The following MAGI1 variants were observed in gnomAD, a reference collection of about 807,000 sequenced individuals.
The protein encoded by MAGI1 is membrane associated guanylate kinase, WW and PDZ domain containing 1.
A neutral mutation model predicts 139.9 loss-of-function variants in MAGI1; 58 were observed. The observed-to-expected ratio is 0.41, with a 90% CI of 0.34 to 0.52. MAGI1 has a LOEUF of 0.52. MAGI1 is among the 20% of genes least tolerant of loss of function. The pLI is 0.12. For missense variants in MAGI1, 1,874 were observed against 1,901.6 expected (o/e 0.99, Z 0.27); for synonymous variants, 812 against 737.9 (o/e 1.10, Z -1.63).
At chr3:65,935,064 A>G (rs2062981832) in intron 1 of MAGI1, among the ~76,000 whole-genome samples, 1 of 152,202 alleles carries the variant, frequency 6.6e-6, no homozygotes, top group South Asian at 2.1e-4. Flanking sequence ...CTATTCGATC[A>G]AAGAAGAGAG....
At chr3:65,636,037 T>C (rs2084596876) in intron 1 of MAGI1, among the ~76,000 whole-genome samples, 1 of 152,200 alleles carries the variant, frequency 6.6e-6, no homozygotes, top group Admixed American at 6.5e-5. Flanking sequence ...GTCTATTCTC[T>C]ACACAGCGCC....
chr3:65,596,518 C>T (rs1281125600), intron 2 of MAGI1, among the ~76,000 whole-genome samples: 1 of 152,186 alleles, frequency 6.6e-6, no homozygotes, highest in Non-Finnish European at 1.5e-5. Context: ...CCCAACATAC[C>T]TAATCCTTAA....
chr3:65,370,782 A>G (rs368717685), intron 18 of MAGI1, among the ~76,000 whole-genome samples: 2 of 152,238 alleles, frequency 1.3e-5, no homozygotes, highest in East Asian at 3.9e-4. Flanking sequence ...CGTTGCCCCA[A>G]ATAGTTGGAC....
At chr3:65,968,853 G>T (rs79406163) in intron 1 of MAGI1, among the ~76,000 whole-genome samples, 1,876 of 152,174 alleles carry the variant, frequency 0.012, 16 homozygotes, top group Middle Eastern at 0.027. Flanking sequence ...GTAATGGTTT[G>T]TTTGAAATTT....
intron 2 of MAGI1, among the ~76,000 whole-genome samples, chr3:65,502,390 C>T (rs1576051794): frequency 1.0e-5 from 1 of 98,486 alleles, no homozygotes. Context: ...AGACTTTCTG[C>T]TTAGCATAAG....
chr3:65,948,575 A>G (rs1435258948), intron 1 of MAGI1, among the ~76,000 whole-genome samples: 1 of 152,194 alleles, frequency 6.6e-6, no homozygotes, highest in Non-Finnish European at 1.5e-5. Flanking sequence ...AAAATTTTGG[A>G]AAGTTCAGTA....
At position 65,413,152 on chromosome 3, in the gene MAGI1, T is replaced by C. The variant is rs539040985; in HGVS notation, c.2168-11682A>G. ...CTCTTGAGCAGTTTCAACAGACTGATTGATGTGATGGTCACTTTTTGTCAC... is the reference window on the plus strand; with the variant it reads ...CTCTTGAGCAGTTTCAACAGACTGACTGATGTGATGGTCACTTTTTGTCAC... On this transcript the variant is annotated intron_variant, in intron 12 of 22. Transcript: ENST00000402939. Among the ~76,000 whole-genome samples, 5 of 152,296 alleles carry C rather than the reference T, an allele frequency of 3.3e-5. No individual in the cohort carries two copies. The East Asian group carries it at 7.7e-4, about 24-fold the overall frequency.
intron 1 of MAGI1, among the ~76,000 whole-genome samples, chr3:65,689,937 C>T (rs1410717380): frequency 1.3e-5 from 2 of 152,122 alleles, no homozygotes; most frequent in African/African-American, 4.8e-5. Context: ...TGCTTCTGGC[C>T]GCACCACCTC....
chr3:65,401,339 A>G, intron 13 of MAGI1, 100 bp downstream of exon 13: 10 of 1,434,024 alleles, frequency 7.0e-6, no homozygotes, highest in Admixed American at 2.0e-5. Context: ...ACTGTAAAAC[A>G]CATTTAGTGA....
chr3:65,644,433 A>C (rs79411887), intron 1 of MAGI1, among the ~76,000 whole-genome samples: 6 of 150,958 alleles, frequency 4.0e-5, no homozygotes, highest in African/African-American at 7.3e-5. Context: ...AAAAAAAAAA[A>C]CCCAGAAGAC....
chr3:65,454,421 T>G (rs561091503), intron 5 of MAGI1, among the ~76,000 whole-genome samples: 1 of 151,334 alleles, frequency 6.6e-6, no homozygotes, highest in Non-Finnish European at 1.5e-5. Flanking sequence ...TGGGAGATAT[T>G]CCTAATGCTA....
At chr3:65,823,612 A>G (rs936668524) in intron 1 of MAGI1, among the ~76,000 whole-genome samples, 1 of 152,278 alleles carries the variant, frequency 6.6e-6, no homozygotes, top group African/African-American at 2.4e-5. Flanking sequence ...TCTCACTGTC[A>G]TTACTGTTAC....
intron 5 of MAGI1, among the ~76,000 whole-genome samples, chr3:65,459,081 T>C (rs1324550768): frequency 6.6e-6 from 1 of 152,214 alleles, no homozygotes; most frequent in Non-Finnish European, 1.5e-5. Context: ...ATGTGTGTGC[T>C]TGGCACCTTT....
chr3:65,617,646 G>A (rs2083446004), intron 2 of MAGI1, among the ~76,000 whole-genome samples: 2 of 152,234 alleles, frequency 1.3e-5, no homozygotes, highest in African/African-American at 4.8e-5. Context: ...AGTAATTAGT[G>A]AAGTCCTTAT....
At chr3:65,721,003 A>G (rs1472583407) in intron 1 of MAGI1, among the ~76,000 whole-genome samples, 1 of 151,966 alleles carries the variant, frequency 6.6e-6, no homozygotes, top group Non-Finnish European at 1.5e-5. Context: ...CAGTCTCCCA[A>G]AGGGTTGGGA....
At chr3:65,898,133 C>T (rs571746910) in intron 1 of MAGI1, among the ~76,000 whole-genome samples, 4 of 152,138 alleles carry the variant, frequency 2.6e-5, no homozygotes, top group East Asian at 1.9e-4. Context: ...GTTTGATATA[C>T]GATTTGGTTT....
chr3:65,471,552 A>G (rs779697516), intron 4 of MAGI1, among the ~76,000 whole-genome samples: 1 of 151,936 alleles, frequency 6.6e-6, no homozygotes, highest in Non-Finnish European at 1.5e-5. Flanking sequence ...CCAATAATCT[A>G]CCACCCTTGA....
At chr3:65,708,608 A>AAGAAAAAAGGAAGGATGAAAAAGTG (rs1226971410) in intron 1 of MAGI1, among the ~76,000 whole-genome samples, 17 of 152,258 alleles carry the variant, frequency 1.1e-4, no homozygotes, top group African/African-American at 7.2e-5. Context: ...GTGGGGAGGA[A>AAGAAAAAAGGAAGGATGAAAAAGTG]AGAAAAAAGG....
intron 17 of MAGI1, 115 bp downstream of exon 17, chr3:65,379,146 C>G (rs1288525484): frequency 6.4e-7 from 1 of 1,562,628 alleles, no homozygotes; most frequent in South Asian, 1.2e-5. Context: ...TTACCCAGAG[C>G]AAGAAGCTAT....
Sources: allele counts gnomAD v4.1 joint callset (sites outside exome capture counted in the v4.1 genomes callset), GRCh38; gene constraint gnomAD v4.1.1; transcripts MANE v1.5; gene names NCBI Gene and HGNC (gene_info 2026-07-23, HGNC 2026-07-21).